NBEA: variants seen among roughly 807,000 people sequenced by gnomAD.
The protein encoded by NBEA is lysosomal-trafficking regulator 2.
Under a neutral mutation model 343.4 loss-of-function variants are expected in NBEA, and 44 were observed. That is an observed-to-expected ratio of 0.13 (90% CI 0.10 to 0.16). The LOEUF (loss-of-function observed/expected upper bound fraction) is 0.16. NBEA is among the 10% of genes least tolerant of loss of function. NBEA has a pLI of 1.00. For synonymous variants in NBEA, 1,175 were observed against 1,238.7 expected (o/e 0.95, Z 1.08); for missense variants, 2,555 against 3,631.3 (o/e 0.70, Z 7.62).
At chr13:35,512,796 C>G (rs186368357) in intron 41 of NBEA, among the ~76,000 whole-genome samples, 1 of 152,306 alleles carries the variant, frequency 6.6e-6, no homozygotes. Context: ...GATTAGCTGT[C>G]GTTGATTCAG....
At chr13:35,219,850 A>G (rs1040761359) in intron 33 of NBEA, among the ~76,000 whole-genome samples, 1 of 152,268 alleles carries the variant, frequency 6.6e-6, no homozygotes. Flanking sequence ...TTCTATTCAT[A>G]TCTTCAACTG....
intron 41 of NBEA, among the ~76,000 whole-genome samples, chr13:35,496,453 G>A (rs1045734138): frequency 2.0e-5 from 3 of 151,678 alleles, no homozygotes; most frequent in Admixed American, 1.3e-4. Context: ...TGAGCAACAT[G>A]GTGAGATCTT....
chr13:35,049,177 G>T (rs1447726647), intron 5 of NBEA, among the ~76,000 whole-genome samples: 1 of 151,834 alleles, frequency 6.6e-6, no homozygotes, highest in African/African-American at 2.4e-5. Context: ...ACAATGTGTT[G>T]ATCTGTAAGG....
chr13:35,197,372 A>G (rs1456007763), intron 31 of NBEA, among the ~76,000 whole-genome samples: 3 of 152,182 alleles, frequency 2.0e-5, no homozygotes, highest in African/African-American at 7.2e-5. Flanking sequence ...ATGTTTCTAA[A>G]TGGAAATGTC....
At chr13:35,594,475 G>A (rs963003285) in intron 47 of NBEA, among the ~76,000 whole-genome samples, 5 of 151,998 alleles carry the variant, frequency 3.3e-5, no homozygotes, top group Non-Finnish European at 7.4e-5. Flanking sequence ...ATATCTGTGT[G>A]TTTTACTTGT....
chr13:35,112,571 C>G (rs968749873), intron 13 of NBEA, among the ~76,000 whole-genome samples: 12 of 152,122 alleles, frequency 7.9e-5, no homozygotes, highest in Non-Finnish European at 1.6e-4. Flanking sequence ...AGAGTTTTCT[C>G]TAGTCTAAAC....
At chr13:34,960,830 T>C (rs918151326) in intron 1 of NBEA, among the ~76,000 whole-genome samples, 3 of 152,086 alleles carry the variant, frequency 2.0e-5, no homozygotes, top group African/African-American at 7.2e-5. Flanking sequence ...TCTCAAAATG[T>C]ATCTCTGTTG....
intron 14 of NBEA, among the ~76,000 whole-genome samples, chr13:35,117,774 G>T (rs2066576899): frequency 6.6e-6 from 1 of 151,980 alleles, no homozygotes; most frequent in Admixed American, 6.6e-5. Flanking sequence ...TCGAGAAAAT[G>T]ATCTGTGTGC....
At chr13:35,275,773 A>G in intron 34 of NBEA, among the ~76,000 whole-genome samples, 1 of 152,220 alleles carries the variant, frequency 6.6e-6, no homozygotes, top group Admixed American at 6.5e-5. Context: ...ATCACTGGCC[A>G]TCAGAGATAT....
intron 38 of NBEA, among the ~76,000 whole-genome samples, chr13:35,407,081 T>C (rs1282694081): frequency 6.6e-6 from 1 of 150,676 alleles, no homozygotes; most frequent in Non-Finnish European, 1.5e-5. Flanking sequence ...TGCCTCAGCC[T>C]CCCAGGTGGC....
At chr13:35,402,865 ATGT>A (rs1335007271) in intron 38 of NBEA, among the ~76,000 whole-genome samples, 3 of 152,092 alleles carry the variant, frequency 2.0e-5, no homozygotes, top group Non-Finnish European at 2.9e-5. Flanking sequence ...TTAATTTACT[ATGT>A]TGTATTTTCC....
chr13:35,127,431 A>G (rs2067190505), intron 17 of NBEA, among the ~76,000 whole-genome samples: 3 of 152,290 alleles, frequency 2.0e-5, no homozygotes, highest in East Asian at 1.9e-4. Context: ...CCATAAAACT[A>G]AGACTAAAAT....
intron 31 of NBEA, among the ~76,000 whole-genome samples, chr13:35,203,999 C>A (rs971465670): frequency 6.6e-6 from 1 of 152,020 alleles, no homozygotes; most frequent in African/African-American, 2.4e-5. Context: ...GCAGGGGTCC[C>A]CACCCCTGGG....
At chr13:35,659,529 A>C (rs1355270373) in intron 55 of NBEA, among the ~76,000 whole-genome samples, 2 of 152,166 alleles carry the variant, frequency 1.3e-5, no homozygotes, top group Non-Finnish European at 2.9e-5. Flanking sequence ...ATTGTGTCAA[A>C]TATATTGTGA....
At chr13:35,130,582 T>C (rs1448953427) in intron 17 of NBEA, among the ~76,000 whole-genome samples, 1 of 152,062 alleles carries the variant, frequency 6.6e-6, no homozygotes, top group Non-Finnish European at 1.5e-5. Flanking sequence ...TAGAAATCTA[T>C]TATTGACTAA....
chr13:35,195,931 G>T lies in NBEA; in HGVS notation c.4995G>T (p.Gln1665His), dbSNP rs1451454253. 6.2e-7 allele frequency: 1 copy of T among 1,613,288 alleles called. No homozygotes were observed. The highest frequency in any genetic ancestry group is 8.5e-7 in the Non-Finnish European group (1 of 1,179,624). Residue 1665 changes from glutamine (Q) to histidine (H), a missense_variant, in exon 31 of 59, where the codon CAG (glutamine) becomes CAT (histidine). Around this residue, in one of 21 missense-constraint regions of NBEA, gnomAD observed 270 missense variants for 293.3 expected, o/e 0.92. Coordinates refer to ENST00000379939, the MANE Select transcript of NBEA (RefSeq NM_001385012.1). ...KETPTPGEDI[Q>H]VESSIPHTDS... ...CACCAACTCCTGGTGAAGATATTCA[G>T]GTAGAAAGTTCAATTCCCCATACAG...
intron 1 of NBEA, among the ~76,000 whole-genome samples, chr13:34,968,813 T>C (rs1593311553): frequency 6.6e-6 from 1 of 152,128 alleles, no homozygotes; most frequent in Admixed American, 6.6e-5. Context: ...TAAGGTGCTA[T>C]GAGAGTGAGT....
At chr13:35,007,855 T>C (rs1288454455) in intron 1 of NBEA, among the ~76,000 whole-genome samples, 1 of 152,244 alleles carries the variant, frequency 6.6e-6, no homozygotes, top group Non-Finnish European at 1.5e-5. Flanking sequence ...AACTTCATTA[T>C]CTAGTCATTT....
At chr13:35,550,395 G>T in intron 41 of NBEA, 82 bp from the exon 42 acceptor site, 1 of 756,244 alleles carries the variant, frequency 1.3e-6, no homozygotes, top group Admixed American at 2.9e-5. Context: ...CTAGTTTTCT[G>T]ACTTTTACTA....
Sources: gnomAD v4.1 joint callset for allele counts (sites outside exome capture counted in the v4.1 genomes callset) on GRCh38, gnomAD v4.1.1 for gene constraint, gnomAD v4.1.1 regional missense constraint, MANE v1.5 for transcripts, NCBI Gene and HGNC (gene_info 2026-07-23, HGNC 2026-07-21) for gene names.